The following ALPK1 variants were observed in gnomAD, a reference collection of about 807,000 sequenced individuals.
ALPK1 encodes alpha-protein kinase 1.
In ALPK1, 110 loss-of-function variants were observed where a neutral mutation model predicts 120.6. That is an observed-to-expected ratio of 0.91 (90% CI 0.78 to 1.07). ALPK1 has a LOEUF of 1.07. Among genes scored for constraint, ALPK1 ranks in the 50% least tolerant of loss-of-function variants. The pLI, the probability that ALPK1 is intolerant of heterozygous loss-of-function variation, is 0.00. For missense variants in ALPK1, 1,498 were observed against 1,483.9 expected (o/e 1.01, Z -0.16); for synonymous variants, 582 against 560.3 (o/e 1.04, Z -0.55).
chr4:112,298,761 C>T (rs942456269), intron 1 of ALPK1, among the ~76,000 whole-genome samples: 2 of 152,042 alleles, frequency 1.3e-5, no homozygotes, highest in Non-Finnish European at 2.9e-5. Flanking sequence ...GTAACAATAC[C>T]TCCCAGCAAG....
intron 2 of ALPK1, among the ~76,000 whole-genome samples, chr4:112,369,364 A>C (rs1438443344): frequency 6.6e-6 from 1 of 152,206 alleles, no homozygotes; most frequent in Non-Finnish European, 1.5e-5. Flanking sequence ...ATATGGTGAT[A>C]GTTTATGTCT....
intron 2 of ALPK1, among the ~76,000 whole-genome samples, chr4:112,318,985 T>A (rs545414867): frequency 1.3e-5 from 2 of 152,336 alleles, no homozygotes; most frequent in African/African-American, 4.8e-5. Flanking sequence ...AGTTTGTGTT[T>A]CATCCTATAG....
intron 2 of ALPK1, among the ~76,000 whole-genome samples, chr4:112,355,746 C>T (rs1168333974): frequency 3.3e-5 from 5 of 152,344 alleles, no homozygotes; most frequent in Middle Eastern, 3.4e-3. Flanking sequence ...AAAGAGCAGG[C>T]GGACCCCATC....
At chr4:112,340,440 A>G (rs1455364909) in intron 2 of ALPK1, among the ~76,000 whole-genome samples, 1 of 152,260 alleles carries the variant, frequency 6.6e-6, no homozygotes, top group Non-Finnish European at 1.5e-5. Context: ...AGTTAAATGC[A>G]TACACATACG....
intron 11 of ALPK1, 44 bp from the exon 12 acceptor site, chr4:112,435,104 G>T (rs369067371): frequency 4.5e-5 from 71 of 1,578,816 alleles, no homozygotes; most frequent in Non-Finnish European, 5.9e-5. Flanking sequence ...GAATTGTAAC[G>T]TCCTTTTGAA....
chr4:112,299,390 A>G (rs1727689565), intron 1 of ALPK1, among the ~76,000 whole-genome samples: 1 of 152,152 alleles, frequency 6.6e-6, no homozygotes, highest in Non-Finnish European at 1.5e-5. Context: ...GTTATTTGCT[A>G]GCTTAATATA....
intron 2 of ALPK1, chr4:112,359,136 G>C (rs1207015152): frequency 7.2e-6 from 5 of 691,412 alleles, no homozygotes; most frequent in Non-Finnish European, 1.4e-5. Context: ...CCAGCAGCTG[G>C]ATCCCAGAGA....
At chr4:112,420,841 A>G (rs1578558448) in intron 5 of ALPK1, among the ~76,000 whole-genome samples, 1 of 149,594 alleles carries the variant, frequency 6.7e-6, no homozygotes, top group South Asian at 2.1e-4. Flanking sequence ...CATAGAGAGA[A>G]AGAGAGAGAG....
intron 5 of ALPK1, chr4:112,414,165 T>C (rs769493052): frequency 1.2e-4 from 54 of 435,336 alleles, no homozygotes; most frequent in Middle Eastern, 3.3e-4. Context: ...AGAGATTATA[T>C]AATATTGTAA....
At chr4:112,420,520 G>A (rs547194416) in intron 5 of ALPK1, among the ~76,000 whole-genome samples, 1 of 152,174 alleles carries the variant, frequency 6.6e-6, no homozygotes, top group Non-Finnish European at 1.5e-5. Flanking sequence ...GGGACACAGA[G>A]ACTTGTGAAC....
At chr4:112,338,069 C>G (rs1488665646) in intron 2 of ALPK1, among the ~76,000 whole-genome samples, 1 of 152,162 alleles carries the variant, frequency 6.6e-6, no homozygotes, top group African/African-American at 2.4e-5. Flanking sequence ...CATGTTCGAG[C>G]CATTCTCCTA....
chr4:112,401,568 G>A (rs1732916318), intron 4 of ALPK1, among the ~76,000 whole-genome samples: 1 of 152,128 alleles, frequency 6.6e-6, no homozygotes, highest in Non-Finnish European at 1.5e-5. Context: ...CCAGTGTGCT[G>A]GAGGAATCAT....
chr4:112,392,812 T>A (rs1732480560), intron 4 of ALPK1, among the ~76,000 whole-genome samples: 1 of 152,230 alleles, frequency 6.6e-6, no homozygotes, highest in Non-Finnish European at 1.5e-5. Flanking sequence ...ATTGCCGGAT[T>A]GAACCACTGC....
At chr4:112,420,421 G>A (rs530768444) in intron 5 of ALPK1, among the ~76,000 whole-genome samples, 93 of 152,160 alleles carry the variant, frequency 6.1e-4, no homozygotes, top group Middle Eastern at 3.4e-3. Context: ...TCAGAGCCTC[G>A]TACCATTAAG....
At chr4:112,378,037 G>T (rs749054671) in intron 3 of ALPK1, 139 bp downstream of exon 3, 13 of 1,017,466 alleles carry the variant, frequency 1.3e-5, no homozygotes, top group African/African-American at 1.6e-5. Context: ...GATTTCTAGG[G>T]CATGAATGGG....
intron 4 of ALPK1, among the ~76,000 whole-genome samples, chr4:112,391,466 A>G (rs1192350395): frequency 6.6e-6 from 1 of 152,228 alleles, no homozygotes; most frequent in Non-Finnish European, 1.5e-5. Context: ...ATGATGCATT[A>G]AAGTCTTATC....
At position 112,430,496 on chromosome 4, in the gene ALPK1, C is replaced by A. The variant is rs1360048974; in HGVS notation, c.949C>A (p.Pro317Thr). Reference protein sequence around the residue: ...LLSYSSSNDCPPELKNLHLCE... With the variant: ...LLSYSSSNDCTPELKNLHLCE... The stretch of plus-strand genomic sequence containing the variant: ...GTCCTACAGTAGTTCAAATGACTGT[C>A]CTCCAGAATTGAAAAACTTACATCT... Residue 317 changes from proline (P) to threonine (T), a missense_variant, in exon 11 of 16, where the codon CCT becomes ACT. Coordinates refer to ENST00000650871, the MANE Select transcript of ALPK1 (RefSeq NM_025144.4). 1 of 1,613,402 alleles carries A rather than the reference C, an allele frequency of 6.2e-7. No homozygotes were observed. The highest frequency in any genetic ancestry group is 8.5e-7 in the Non-Finnish European group (1 of 1,179,656).
intron 11 of ALPK1, among the ~76,000 whole-genome samples, chr4:112,434,278 C>T (rs1412128636): frequency 1.3e-5 from 2 of 152,206 alleles, no homozygotes; most frequent in Non-Finnish European, 1.5e-5. Context: ...ACAGACAACT[C>T]ACCTTCCATT....
chr4:112,321,078 C>G (rs1446503513), intron 2 of ALPK1, among the ~76,000 whole-genome samples: 2 of 151,372 alleles, frequency 1.3e-5, no homozygotes, highest in Non-Finnish European at 3.0e-5. Context: ...TTTGTATTTT[C>G]AGTAGAAATG....
Sources: allele counts gnomAD v4.1 joint callset (sites outside exome capture counted in the v4.1 genomes callset), GRCh38; gene constraint gnomAD v4.1.1; transcripts MANE v1.5; gene names NCBI Gene and HGNC (gene_info 2026-07-23, HGNC 2026-07-21).